CFAP46: variants seen among roughly 807,000 people sequenced by gnomAD.
CFAP46 encodes cilia- and flagella-associated protein 46.
A neutral mutation model predicts 325.7 loss-of-function variants in CFAP46; 245 were observed. The ratio of observed to expected loss-of-function variants is 0.75; its 90% CI spans 0.68 to 0.84. The LOEUF (loss-of-function observed/expected upper bound fraction) is 0.84, where lower values mean the gene tolerates loss of function less well. Among genes scored for constraint, CFAP46 ranks in the 40% least tolerant of loss-of-function variants. CFAP46 has a pLI of 0.00. For missense variants in CFAP46, 3,346 were observed against 3,543.0 expected, an observed-to-expected ratio of 0.94 and a Z score of 1.41; for synonymous variants, 1,523 against 1,495.9, an observed-to-expected ratio of 1.02 and a Z score of -0.42.
chr10:132,879,764 G>A (rs938230754), intron 28 of CFAP46, 133 bp from the exon 29 acceptor site: 8 of 910,900 alleles, frequency 8.8e-6, no homozygotes, highest in Non-Finnish European at 1.3e-5. Flanking sequence ...CCACTCTGCT[G>A]AGGGCCGGCA....
intron 50 of CFAP46, among the ~76,000 whole-genome samples, chr10:132,821,785 GAT>G (rs1847840946): frequency 7.1e-6 from 1 of 141,586 alleles, no homozygotes; most frequent in African/African-American, 2.7e-5. Context: ...TGTGAGTGCT[GAT>G]GTGTGCTGTG....
At chr10:132,896,756 A>T (rs568043358) in intron 24 of CFAP46, among the ~76,000 whole-genome samples, 1 of 152,348 alleles carries the variant, frequency 6.6e-6, no homozygotes, top group African/African-American at 2.4e-5. Flanking sequence ...ATATGGAATT[A>T]AAAAACTGAT....
chr10:132,881,940 GGTGTGA>G (rs1409359314), intron 27 of CFAP46, among the ~76,000 whole-genome samples: 1 of 152,218 alleles, frequency 6.6e-6, no homozygotes, highest in Non-Finnish European at 1.5e-5. Context: ...GTCCCCATGG[GGTGTGA>G]GTGGTGCATG....
rs1289394798 is a variant in CFAP46 at position 132,845,925 on chromosome 10, C to T, written c.6438+132G>A. ...ACCCAGGTGCACATGGCTGGGGGCA[C>T]GGGGAGGGATGGCTCATGAGCTGGG... On this transcript the variant is annotated intron_variant, in intron 44 of 57. Coordinates refer to ENST00000368586, the MANE Select transcript of CFAP46 (RefSeq NM_001200049.3). 3.9e-5 allele frequency: 40 copies of T among 1,017,142 alleles called. 2 individuals are homozygous for T. In the South Asian group the frequency reaches 4.1e-4, roughly 10 times the overall value. 63.0% of individuals were successfully genotyped at this position (1,017,142 alleles called of 1,614,324 possible). A position where few individuals can be genotyped will look rare whatever the true frequency, so the allele number is the denominator to read the frequency against.
intron 4 of CFAP46, among the ~76,000 whole-genome samples, chr10:132,940,148 G>A (rs1850073844): frequency 6.6e-6 from 1 of 152,112 alleles, no homozygotes; most frequent in Admixed American, 6.5e-5. Flanking sequence ...TGTGGGGCTG[G>A]GCCCTACATC....
At chr10:132,814,005 G>A in intron 54 of CFAP46, 147 bp downstream of exon 54, 2 of 649,456 alleles carry the variant, frequency 3.1e-6, no homozygotes, top group South Asian at 3.6e-5. Context: ...GAGGATTCAA[G>A]GAGCTGGGTC....
At position 132,808,705 on chromosome 10, in the gene CFAP46, G is replaced by T. The variant is rs754364868; in HGVS notation, c.7864C>A (p.His2622Asn). The change falls in exon 58 of 58, where the codon CAC becomes AAC. Residue 2622 changes from histidine to asparagine, a missense_variant. By Grantham distance (68) the His-to-Asn change is moderately conservative. Transcript: ENST00000368586. This position sits in a 1 kb window ranked among gnomAD's most constrained non-coding sequence, Gnocchi z 6.8. ...GAGCTGGGGATGGGAGCCGGGAGGT[G>T]GGGATGGGTTGGCAGAGGGGCAGAG... ...LGSAPLPTHP[H>N]LPAPIPSSQL... 13 of 1,569,506 alleles carry T rather than the reference G, an allele frequency of 8.3e-6. No individual in the cohort carries two copies. The East Asian group carries it at 3.1e-4, about 37-fold the overall frequency.
chr10:132,899,157 C>A, intron 23 of CFAP46, 36 bp from the exon 24 acceptor site: 1 of 1,529,292 alleles, frequency 6.5e-7, no homozygotes. Context: ...GTGGCTCCAC[C>A]TGGGCCCACC....
intron 28 of CFAP46, 36 bp downstream of exon 28, chr10:132,880,825 C>G: frequency 6.5e-7 from 1 of 1,532,406 alleles, no homozygotes; most frequent in Non-Finnish European, 8.8e-7. Flanking sequence ...TGGGGAGCGG[C>G]GTGGGGTCGG....
At chr10:132,857,350 T>A (rs1848656555) in intron 39 of CFAP46, among the ~76,000 whole-genome samples, 1 of 152,246 alleles carries the variant, frequency 6.6e-6, no homozygotes, top group Non-Finnish European at 1.5e-5. Context: ...TGAGCCGCCG[T>A]GGTGAGCTCG....
Position 132,898,995 on chromosome 10 carries a change from G to C in CFAP46, c.3183C>G (p.Leu1061=). The C allele has an allele frequency of 6.4e-7, 1 of 1,550,586 alleles. No individual in the cohort carries two copies. Among genetic ancestry groups the C allele is most frequent in the African/African-American group, 1.4e-5 (1 of 73,176 alleles). Reference sequence around the variant, plus strand: ...CCTCTGTCTTGTTGATGATGCCGATGAGCCTCTTCAGGGCACCCTTGGCCT... The same window carrying C: ...CCTCTGTCTTGTTGATGATGCCGATCAGCCTCTTCAGGGCACCCTTGGCCT... ...RKKAKGALKR[L]IGIINKTEAR... is the part of the protein sequence containing the mutation. Residue 1061 remains leucine (L), a synonymous_variant, in exon 24 of 58, where the codon CTC becomes CTG. Transcript: ENST00000368586.
At chr10:132,825,871 G>A (rs904607476) in intron 50 of CFAP46, among the ~76,000 whole-genome samples, 4 of 152,110 alleles carry the variant, frequency 2.6e-5, no homozygotes, top group African/African-American at 7.2e-5. Flanking sequence ...TGGGACTCCC[G>A]GGCACACCAG....
At chr10:132,841,588 C>A (rs948103530) in intron 44 of CFAP46, among the ~76,000 whole-genome samples, 1 of 152,188 alleles carries the variant, frequency 6.6e-6, no homozygotes, top group Non-Finnish European at 1.5e-5. Flanking sequence ...ATCCCTGGGA[C>A]GAGTCTCTGC....
chr10:132,917,079 T>C (rs964822897), intron 16 of CFAP46, among the ~76,000 whole-genome samples: 6 of 152,250 alleles, frequency 3.9e-5, no homozygotes, highest in Admixed American at 3.3e-4. Flanking sequence ...TGGATGACCA[T>C]GTGGCACAGC....
chr10:132,918,437 C>T lies in CFAP46; in HGVS notation c.1942G>A (p.Asp648Asn), dbSNP rs1849670943. Reference sequence around the variant, plus strand: ...ACCTCCGCGAACTTCCGCAGCAGGTCGGGGCACACCTGCCTCTGCAGGACG... The same window carrying T: ...ACCTCCGCGAACTTCCGCAGCAGGTTGGGGCACACCTGCCTCTGCAGGACG... ...EVVLQRQVCP[D>N]LLRKFAEVGF... is the part of the protein sequence containing the mutation. Residue 648 changes from aspartate (D) to asparagine (N), a missense_variant, in exon 16 of 58, where the codon GAC (aspartate) becomes AAC (asparagine). Transcript: ENST00000368586. 2 of 1,549,398 alleles carry T rather than the reference C, an allele frequency of 1.3e-6. No homozygotes were observed. Among genetic ancestry groups the T allele is most frequent in the Non-Finnish European group, 1.7e-6 (2 of 1,146,170 alleles).
At chr10:132,892,469 T>G in intron 24 of CFAP46, 52 bp from the exon 25 acceptor site, 1 of 1,511,776 alleles carries the variant, frequency 6.6e-7, no homozygotes, top group South Asian at 1.2e-5. Context: ...CAAGACAGTC[T>G]TTCACCATGA....
At chr10:132,848,098 C>T (rs990495827) in intron 41 of CFAP46, among the ~76,000 whole-genome samples, 5 of 152,092 alleles carry the variant, frequency 3.3e-5, no homozygotes, top group Admixed American at 6.5e-5. Flanking sequence ...GGCTGCACCA[C>T]GTGCAGCCAC....
intron 22 of CFAP46, among the ~76,000 whole-genome samples, chr10:132,904,793 G>A (rs181940208): frequency 1.4e-4 from 21 of 152,188 alleles, no homozygotes; most frequent in East Asian, 7.8e-4. Context: ...ACAGAGTCTC[G>A]CTGTGTCACC....
At position 132,903,377 on chromosome 10, in the gene CFAP46, C is replaced by T. The variant is rs192486242; in HGVS notation, c.2925-3711G>A. Among the ~76,000 whole-genome samples, 4 of 152,298 alleles carry T rather than the reference C, an allele frequency of 2.6e-5. No individual in the cohort carries two copies. The East Asian group carries it at 5.8e-4, about 22-fold the overall frequency. On this transcript the variant is annotated intron_variant, in intron 22 of 57. Coordinates refer to ENST00000368586, the MANE Select transcript of CFAP46 (RefSeq NM_001200049.3). ...AACGAGGGCCCCACCCCACCTGCCG[C>T]GTCACATCCTGGACACCTCAGCTGC...
Sources: gnomAD v4.1 joint callset for allele counts (sites outside exome capture counted in the v4.1 genomes callset) on GRCh38, gnomAD v4.1.1 for gene constraint, Gnocchi (gnomAD v3.1) non-coding constraint, MANE v1.5 for transcripts, NCBI Gene and HGNC (gene_info 2026-07-23, HGNC 2026-07-21) for gene names.